The following COL24A1 variants were observed in gnomAD, a reference collection of about 807,000 sequenced individuals.
The protein encoded by COL24A1 is collagen alpha-1(XXIV) chain.
Under a neutral mutation model 253.9 loss-of-function variants are expected in COL24A1, and 224 were observed. The ratio of observed to expected loss-of-function variants is 0.88; its 90% CI spans 0.79 to 0.99. The LOEUF (loss-of-function observed/expected upper bound fraction) is 0.99. Among genes scored for constraint, COL24A1 ranks in the 50% least tolerant of loss-of-function variants. The pLI is 0.00. For missense variants in COL24A1, 2,131 were observed against 2,068.5 expected, an observed-to-expected ratio of 1.03 and a Z score of -0.59; for synonymous variants, 685 against 673.7, an observed-to-expected ratio of 1.02 and a Z score of -0.26.
intron 43 of COL24A1, among the ~76,000 whole-genome samples, chr1:85,834,408 A>G (rs972939508): frequency 1.3e-5 from 2 of 152,168 alleles, no homozygotes; most frequent in African/African-American, 2.4e-5. Context: ...TATTCACTGA[A>G]TTGAGGACAT....
At chr1:86,124,450 C>T (rs1507265) in intron 3 of COL24A1, among the ~76,000 whole-genome samples, 148,046 of 152,110 alleles carry the variant, frequency 0.97, 72,152 homozygotes, top group Non-Finnish European at 1. Flanking sequence ...TTTTCTTTAA[C>T]CTACCATATC....
chr1:85,828,916 C>T (rs1316395405), intron 43 of COL24A1, among the ~76,000 whole-genome samples: 3 of 149,578 alleles, frequency 2.0e-5, no homozygotes, highest in Admixed American at 6.7e-5. Context: ...GCATTTAGTC[C>T]ATTTACATTT....
intron 19 of COL24A1, among the ~76,000 whole-genome samples, chr1:86,016,184 C>T (rs1460538124): frequency 1.3e-5 from 2 of 151,934 alleles, no homozygotes; most frequent in Non-Finnish European, 2.9e-5. Flanking sequence ...GATTTTTGAA[C>T]TGTCAATACC....
chr1:85,906,774 TTAA>T (rs1475070026), intron 28 of COL24A1, among the ~76,000 whole-genome samples: 3 of 151,976 alleles, frequency 2.0e-5, no homozygotes, highest in African/African-American at 7.2e-5. Flanking sequence ...TGATTTACAA[TTAA>T]TAAGCTCTTA....
intron 24 of COL24A1, among the ~76,000 whole-genome samples, chr1:85,923,840 T>C (rs560752610): frequency 4.3e-4 from 66 of 152,152 alleles, no homozygotes; most frequent in African/African-American, 1.5e-3. Context: ...CTGAAGGAGA[T>C]GGAGACACAA....
intron 28 of COL24A1, among the ~76,000 whole-genome samples, chr1:85,897,490 T>C (rs1683865211): frequency 6.6e-6 from 1 of 151,248 alleles, no homozygotes; most frequent in South Asian, 2.1e-4. Flanking sequence ...CTGACTGCAT[T>C]GTACCTGCTA....
chr1:86,150,541 C>T (rs919455035), intron 1 of COL24A1, among the ~76,000 whole-genome samples: 3 of 152,054 alleles, frequency 2.0e-5, no homozygotes, highest in African/African-American at 7.2e-5. Context: ...TTTAAATCTG[C>T]TATGGTAGCA....
chr1:85,891,800 T>A (rs116689544), intron 31 of COL24A1, among the ~76,000 whole-genome samples: 1 of 152,218 alleles, frequency 6.6e-6, no homozygotes, highest in African/African-American at 2.4e-5. Context: ...TATCATGTAC[T>A]TTTAATGCTG....
At chr1:85,881,572 C>T (rs190992649) in intron 32 of COL24A1, among the ~76,000 whole-genome samples, 262 of 152,198 alleles carry the variant, frequency 1.7e-3, no homozygotes, top group African/African-American at 5.6e-3. Flanking sequence ...TTGCAGTGAG[C>T]TGAGATCACG....
At chr1:86,067,744 C>T (rs1265046721) in intron 7 of COL24A1, among the ~76,000 whole-genome samples, 3 of 152,062 alleles carry the variant, frequency 2.0e-5, no homozygotes, top group Non-Finnish European at 4.4e-5. Flanking sequence ...TACTTAAAAA[C>T]TAGTCTGTAA....
intron 24 of COL24A1, among the ~76,000 whole-genome samples, chr1:85,921,925 G>C (rs1301977957): frequency 6.6e-6 from 1 of 152,166 alleles, no homozygotes; most frequent in Non-Finnish European, 1.5e-5. Flanking sequence ...CTTGAAAAAT[G>C]ATTAGATGAA....
intron 5 of COL24A1, among the ~76,000 whole-genome samples, chr1:86,110,203 T>C (rs1233733893): frequency 1.3e-5 from 2 of 151,644 alleles, no homozygotes; most frequent in African/African-American, 4.8e-5. Flanking sequence ...TAAAAATATA[T>C]ACACAATGGA....
chr1:85,851,855 A>C (rs313707), intron 37 of COL24A1, among the ~76,000 whole-genome samples: 1 of 151,966 alleles, frequency 6.6e-6, no homozygotes, highest in Non-Finnish European at 1.5e-5. Flanking sequence ...CCCAGCTTGT[A>C]TCTTATTTTC....
Position 85,897,651 on chromosome 1 carries a change from GA to G in COL24A1, c.2779-1243del, listed in dbSNP as rs539988033. Among the ~76,000 whole-genome samples, 4 of 152,240 alleles carry G rather than the reference GA, an allele frequency of 2.6e-5. No individual in the cohort carries two copies. In the South Asian group the frequency reaches 6.2e-4, roughly 24 times the overall value. ...AGCCGTTGCAAAAGTCATTCTATAA[GA>G]AAATGACAGAATAGTCTTCCATTAA... On this transcript the variant is annotated intron_variant, in intron 28 of 59. Coordinates refer to ENST00000370571, the MANE Select transcript of COL24A1 (RefSeq NM_152890.7).
chr1:85,897,645 C>T (rs922103780), intron 28 of COL24A1, among the ~76,000 whole-genome samples: 1 of 152,082 alleles, frequency 6.6e-6, no homozygotes, highest in Non-Finnish European at 1.5e-5. Flanking sequence ...AAAAGTCATT[C>T]TATAAGAAAA....
At chr1:85,831,309 G>A (rs532295294) in intron 43 of COL24A1, among the ~76,000 whole-genome samples, 4 of 152,060 alleles carry the variant, frequency 2.6e-5, no homozygotes, top group Non-Finnish European at 5.9e-5. Context: ...GTAAGAGTGA[G>A]AATATGAGCA....
chr1:85,741,148 G>GGAAA (rs996069829), intron 57 of COL24A1, among the ~76,000 whole-genome samples: 4 of 150,500 alleles, frequency 2.7e-5, no homozygotes, highest in African/African-American at 9.7e-5. Context: ...GAAAAGAAAA[G>GGAAA]GAAAGAAAGA....
At chr1:85,764,736 T>C (rs972282694) in intron 53 of COL24A1, among the ~76,000 whole-genome samples, 9 of 152,284 alleles carry the variant, frequency 5.9e-5, no homozygotes, top group Non-Finnish European at 1.2e-4. Flanking sequence ...ATTATGATTT[T>C]CAAGACTTTT....
chr1:85,978,410 A>G (rs991542700), intron 20 of COL24A1, among the ~76,000 whole-genome samples: 7 of 152,148 alleles, frequency 4.6e-5, no homozygotes, highest in African/African-American at 1.2e-4. Flanking sequence ...TAAATAGCCT[A>G]AATGCTCCAC....
Sources: gnomAD v4.1 joint callset for allele counts (sites outside exome capture counted in the v4.1 genomes callset) on GRCh38, gnomAD v4.1.1 for gene constraint, MANE v1.5 for transcripts, NCBI Gene and HGNC (gene_info 2026-07-23, HGNC 2026-07-21) for gene names.